The following TENM2 variants were observed in gnomAD, a reference collection of about 807,000 sequenced individuals.
TENM2 encodes teneurin-2.
A neutral mutation model predicts 245.2 loss-of-function variants in TENM2; 52 were observed. The ratio of observed to expected loss-of-function variants is 0.21; its 90% CI spans 0.17 to 0.27. The LOEUF is 0.27. Among genes scored for constraint, TENM2 ranks in the 10% least tolerant of loss-of-function variants. The pLI, the probability that TENM2 is intolerant of heterozygous loss-of-function variation, is 1.00. For synonymous variants in TENM2, 1,363 were observed against 1,438.9 expected (o/e 0.95, Z 1.19); for missense variants, 3,046 against 3,666.8 (o/e 0.83, Z 4.37).
rs527353538 is a variant in TENM2 at position 168,199,218 on chromosome 5, G to A, written c.3162+104G>A. Reference sequence around the variant, plus strand: ...GACCAGAAACTAATATTGTAGGGGAGTAAAAAAAGTGGGAGCATAATAAAA... The same window carrying A: ...GACCAGAAACTAATATTGTAGGGGAATAAAAAAAGTGGGAGCATAATAAAA... On this transcript the variant is annotated intron_variant, in intron 16 of 28. Transcript: ENST00000518659. 27 of 1,229,288 alleles carry A rather than the reference G, an allele frequency of 2.2e-5. No individual in the cohort carries two copies. The South Asian group carries it at 3.6e-4, about 17-fold the overall frequency. 76.1% of individuals were successfully genotyped at this position (1,229,288 alleles called of 1,614,324 possible).
At position 167,520,022 on chromosome 5, in the gene TENM2, A is replaced by G. The variant is rs530361800; in HGVS notation, c.502+144549A>G. Among the ~76,000 whole-genome samples, 6 of 152,308 alleles carry G rather than the reference A, an allele frequency of 3.9e-5. No individual in the cohort carries two copies. In the South Asian group the frequency reaches 1.2e-3, roughly 32 times the overall value. On this transcript the variant is annotated intron_variant, in intron 2 of 28. Transcript: ENST00000518659. ...ATCATGTCACAAAATGTTGGAAATTAGAACCTTGATTCAATACTTTGTAAG... is the reference window on the plus strand; with the variant it reads ...ATCATGTCACAAAATGTTGGAAATTGGAACCTTGATTCAATACTTTGTAAG...
chr5:168,174,431 A>G (rs1004902266), intron 13 of TENM2, among the ~76,000 whole-genome samples: 5 of 152,184 alleles, frequency 3.3e-5, no homozygotes, highest in African/African-American at 9.7e-5. Context: ...GAGTTAATGG[A>G]TGCAAAACAG....
intron 1 of TENM2, among the ~76,000 whole-genome samples, chr5:167,353,612 A>G (rs1408975172): frequency 7.4e-6 from 1 of 135,054 alleles, no homozygotes; most frequent in Non-Finnish European, 1.5e-5. Context: ...GGTTCACGCC[A>G]TTCTCCTGCC....
chr5:167,198,257 G>T, the TENM2 span, among the ~76,000 whole-genome samples: 1 of 152,180 alleles, frequency 6.6e-6, no homozygotes, highest in African/African-American at 2.4e-5. Context: ...TTTTAAATAA[G>T]AAACCAGATA....
intron 2 of TENM2, among the ~76,000 whole-genome samples, chr5:167,755,413 AT>A (rs138368489): frequency 6.7e-5 from 10 of 149,068 alleles, no homozygotes; most frequent in Admixed American, 6.7e-5. Context: ...GTTGATCTGA[AT>A]TTTTTTTTTG....
intron 12 of TENM2, among the ~76,000 whole-genome samples, chr5:168,156,263 A>AAAAAAAAC (rs1396680320): frequency 1.3e-5 from 2 of 150,968 alleles, no homozygotes; most frequent in African/African-American, 4.9e-5. Flanking sequence ...AAAAAAAAAA[A>AAAAAAAAC]AAACACTTTT....
At chr5:167,635,149 CAAT>C (rs1277826269) in intron 2 of TENM2, among the ~76,000 whole-genome samples, 1 of 151,914 alleles carries the variant, frequency 6.6e-6, no homozygotes, top group African/African-American at 2.4e-5. Context: ...ATAGCACATG[CAAT>C]AATAATATGT....
At chr5:168,219,078 T>G (rs772758039) in intron 23 of TENM2, 79 bp downstream of exon 25, 24 of 1,396,284 alleles carry the variant, frequency 1.7e-5, no homozygotes, top group African/African-American at 4.3e-5. Context: ...CTTGTGTAGC[T>G]TTTTAAATTG....
chr5:167,279,391 A>G, the TENM2 span, among the ~76,000 whole-genome samples: 5 of 152,104 alleles, frequency 3.3e-5, no homozygotes, highest in African/African-American at 7.2e-5. Flanking sequence ...TGACATGAAC[A>G]TTAGGTATTT....
intron 2 of TENM2, among the ~76,000 whole-genome samples, chr5:167,820,723 CAT>C (rs1308259969): frequency 1.3e-5 from 2 of 152,346 alleles, no homozygotes; most frequent in East Asian, 3.9e-4. Flanking sequence ...GCCCCTCAAA[CAT>C]AGTGAAAAGC....
the TENM2 span, among the ~76,000 whole-genome samples, chr5:167,150,131 G>A: frequency 2.6e-5 from 4 of 152,042 alleles, no homozygotes; most frequent in Non-Finnish European, 5.9e-5. Context: ...GTTACTGTGG[G>A]CCTGTGAGTC....
chr5:168,227,051 G>A (rs1311694760), intron 24 of TENM2, among the ~76,000 whole-genome samples: 1 of 152,098 alleles, frequency 6.6e-6, no homozygotes, highest in Admixed American at 6.5e-5. Flanking sequence ...GTGACGGCTG[G>A]AGTCACAGGA....
chr5:168,145,620 C>A (rs1755990181), intron 12 of TENM2, among the ~76,000 whole-genome samples: 1 of 152,050 alleles, frequency 6.6e-6, no homozygotes, highest in Non-Finnish European at 1.5e-5. Flanking sequence ...AGTGTGATGC[C>A]TCCAGCTTTG....
chr5:167,037,799 C>T, the TENM2 span, among the ~76,000 whole-genome samples: 1 of 152,194 alleles, frequency 6.6e-6, no homozygotes, highest in African/African-American at 2.4e-5. Context: ...AGGGGCCTGT[C>T]ACCTTGGTCC....
At chr5:166,989,542 G>A in the TENM2 span, among the ~76,000 whole-genome samples, 1 of 151,820 alleles carries the variant, frequency 6.6e-6, no homozygotes, top group Non-Finnish European at 1.5e-5. Context: ...CACAGTGCCT[G>A]GCCCACATCA....
Position 167,646,181 on chromosome 5 carries a change from TATATATATATGTTGTTTTC to T in TENM2, c.503-229794_503-229776del, listed in dbSNP as rs1401324909. On this transcript the variant is annotated intron_variant, in intron 2 of 28. Transcript: ENST00000518659. ...CATATATATATATGTTGTTTTCATATATATATATATGTTGTTTTCATATATATATATATATATATATATA... is the reference window on the plus strand; with the variant it reads ...CATATATATATATGTTGTTTTCATATATATATATATATATATATATATATA... 3.5e-3 allele frequency among the ~76,000 whole-genome samples: 394 copies of T among 112,448 alleles called. 1 individual carries two copies. The highest frequency in any genetic ancestry group is 0.015 in the South Asian group (52 of 3,548). 73.8% of individuals were successfully genotyped at this position (112,448 alleles called of 152,430 possible).
chr5:167,463,848 A>G (rs1412730757), intron 2 of TENM2, among the ~76,000 whole-genome samples: 1 of 152,120 alleles, frequency 6.6e-6, no homozygotes, highest in East Asian at 1.9e-4. Flanking sequence ...ACTTTGCAAG[A>G]GTGTTAGTTG....
At chr5:167,301,238 G>T (rs1008877661) in intron 1 of TENM2, among the ~76,000 whole-genome samples, 1 of 152,212 alleles carries the variant, frequency 6.6e-6, no homozygotes, top group Non-Finnish European at 1.5e-5. Flanking sequence ...GATGCCAGGT[G>T]AGTTGAACAG....
At chr5:167,335,164 T>G (rs2127799092) in intron 1 of TENM2, among the ~76,000 whole-genome samples, 1 of 152,262 alleles carries the variant, frequency 6.6e-6, no homozygotes, top group Admixed American at 6.5e-5. Context: ...CAGGGAGCTT[T>G]GACTCATGGC....
Sources: allele counts gnomAD v4.1 joint callset (sites outside exome capture counted in the v4.1 genomes callset), GRCh38; gene constraint gnomAD v4.1.1; transcripts MANE v1.5; gene names NCBI Gene and HGNC (gene_info 2026-07-23, HGNC 2026-07-21).